RTTN: variants seen among roughly 807,000 people sequenced by gnomAD.
RTTN encodes the protein rotatin.
A neutral mutation model predicts 269.2 loss-of-function variants in RTTN; 182 were observed. The observed-to-expected ratio is 0.68, with a 90% CI of 0.60 to 0.76. The LOEUF (loss-of-function observed/expected upper bound fraction) is 0.76. Among genes scored for constraint, RTTN ranks in the 30% least tolerant of loss-of-function variants. The pLI, the probability that RTTN is intolerant of heterozygous loss-of-function variation, is 0.00. For missense variants in RTTN, 2,545 were observed against 2,608.6 expected (o/e 0.98, Z 0.53); for synonymous variants, 1,006 against 963.5 (o/e 1.04, Z -0.82).
chr18:70,147,015 G>A (rs2060411346), intron 17 of RTTN, among the ~76,000 whole-genome samples: 1 of 152,134 alleles, frequency 6.6e-6, no homozygotes, highest in Non-Finnish European at 1.5e-5. Flanking sequence ...TTCACATCTG[G>A]GGTTGTCAGT....
rs767135646 is a variant in RTTN, at chr18:70,109,725, T to G, written c.3684-8A>C. 53 of 1,611,690 alleles carry G rather than the reference T, an allele frequency of 3.3e-5. No homozygotes were observed. The highest frequency in any genetic ancestry group is 5.1e-6 in the Non-Finnish European group (6 of 1,178,258). On this transcript the variant is annotated splice_polypyrimidine_tract_variant and splice_region_variant and intron_variant, in intron 27 of 48. Transcript: ENST00000640769. The stretch of plus-strand genomic sequence containing the variant: ...AGAAGTTCCGAGCATTTCCTATGTA[T>G]GCAAAAGAGGGAAAATCAACCACCA...
Position 70,024,735 on chromosome 18 carries a change from T to C in RTTN, c.5937A>G (p.Ala1979=), listed in dbSNP as rs1169413371. 6.2e-7 allele frequency: 1 copy of C among 1,613,610 alleles called. No homozygotes were observed. The highest frequency in any genetic ancestry group is 1.7e-5 in the Admixed American group (1 of 59,986). ...GGATCCTATTACCATTTGGAAAATT[T>C]GCAGTATAGACACAAAGGAGCTGCA... is the stretch of plus-strand genomic sequence containing the variant. ...ISLQLLCVYT[A]NFPNGCSSLC... is the part of the protein sequence containing the mutation. Residue 1979 remains alanine (A), a synonymous_variant, in exon 44 of 49, where the codon GCA becomes GCG. Transcript: ENST00000640769.
chr18:70,170,335 G>A (rs2061106101), intron 11 of RTTN, among the ~76,000 whole-genome samples: 1 of 152,156 alleles, frequency 6.6e-6, no homozygotes, highest in Admixed American at 6.5e-5. Flanking sequence ...AGTGTAAATC[G>A]ATATACTTCC....
At chr18:70,084,053 CTA>C (rs201994333) in intron 32 of RTTN, among the ~76,000 whole-genome samples, 1,668 of 152,146 alleles carry the variant, frequency 0.011, 16 homozygotes, top group Non-Finnish European at 0.018. Flanking sequence ...TACAACAATT[CTA>C]TGTCATGACA....
chr18:70,166,354 C>T (rs1253714567), intron 13 of RTTN, 166 bp from the exon 14 acceptor site: 1 of 569,114 alleles, frequency 1.8e-6, no homozygotes, highest in African/African-American at 1.9e-5. Flanking sequence ...TTATTTGTTT[C>T]AGGGCAGAGG....
At position 70,128,314 on chromosome 18, in the gene RTTN, A is replaced by G. The variant is rs114887246; in HGVS notation, c.3143+44T>C. ...AGTAAAACTTAACTAATTAATTACA[A>G]TTAATTAATTGCAAATGCTTTTTAA... On this transcript the variant is annotated intron_variant, in intron 24 of 48. Transcript: ENST00000640769. 906 of 1,504,074 alleles carry G rather than the reference A, an allele frequency of 6.0e-4. 5 individuals are homozygous for G. In the African/African-American group the frequency reaches 0.011, roughly 18 times the overall value. 93.2% of individuals were successfully genotyped at this position (1,504,074 alleles called of 1,614,324 possible).
chr18:70,094,275 G>A (rs755770423), intron 28 of RTTN, among the ~76,000 whole-genome samples: 5 of 151,846 alleles, frequency 3.3e-5, no homozygotes, highest in Non-Finnish European at 5.9e-5. Flanking sequence ...TTTTTTTGAA[G>A]GGTTTTTTGT....
intron 14 of RTTN, among the ~76,000 whole-genome samples, chr18:70,165,417 G>C (rs960166212): frequency 1.3e-5 from 2 of 151,840 alleles, no homozygotes; most frequent in Non-Finnish European, 2.9e-5. Context: ...AGAAAGCAAA[G>C]AAGCTTCCTC....
intron 10 of RTTN, among the ~76,000 whole-genome samples, chr18:70,177,160 T>A (rs2061322947): frequency 6.6e-6 from 1 of 152,210 alleles, no homozygotes; most frequent in South Asian, 2.1e-4. Context: ...TAGTTTCTAG[T>A]GCCTAATTGT....
At chr18:70,090,598 G>A (rs971449306) in intron 30 of RTTN, among the ~76,000 whole-genome samples, 3 of 152,120 alleles carry the variant, frequency 2.0e-5, no homozygotes, top group African/African-American at 7.2e-5. Flanking sequence ...GATAAGGGAG[G>A]ACTACTGTAT....
At chr18:70,146,555 C>A (rs2060398434) in intron 17 of RTTN, among the ~76,000 whole-genome samples, 1 of 152,144 alleles carries the variant, frequency 6.6e-6, no homozygotes, top group Non-Finnish European at 1.5e-5. Flanking sequence ...TATAAGACAA[C>A]AATTAAAACA....
At position 70,059,833 on chromosome 18, in the gene RTTN, G is replaced by A. The variant is rs1284943410; in HGVS notation, c.4940+17C>T. The A allele has an allele frequency of 4.6e-6, 7 of 1,532,486 alleles. No individual in the cohort carries two copies. The highest frequency in any genetic ancestry group is 3.8e-5 in the Admixed American group (2 of 51,982). 94.9% of individuals were successfully genotyped at this position (1,532,486 alleles called of 1,614,324 possible). The stretch of plus-strand genomic sequence containing the variant: ...TATCTCAACTAACATGCCTCTCTAG[G>A]AGTATTTATCTCTTACCTACAGAGA... On this transcript the variant is annotated intron_variant, in intron 36 of 48. Coordinates refer to ENST00000640769, the MANE Select transcript of RTTN (RefSeq NM_173630.4).
chr18:70,172,966 TTTC>T (rs1443307568), intron 11 of RTTN, among the ~76,000 whole-genome samples: 3 of 152,232 alleles, frequency 2.0e-5, no homozygotes, highest in Admixed American at 2.0e-4. Context: ...ATTCAATTCC[TTTC>T]TTAAGAGACT....
intron 28 of RTTN, among the ~76,000 whole-genome samples, chr18:70,099,566 C>G (rs1046535387): frequency 2.0e-5 from 3 of 152,186 alleles, no homozygotes; most frequent in African/African-American, 7.2e-5. Context: ...TTTTGCTATG[C>G]AGAAGCTCTT....
In RTTN at chr18:70,004,962, A is replaced by T. The variant is rs960658166; in HGVS notation, c.6595+236T>A. Among the ~76,000 whole-genome samples the T allele has an allele frequency of 7.2e-5, 11 of 152,246 alleles. 1 individual carries two copies. The highest frequency in any genetic ancestry group is 1.6e-4 in the Non-Finnish European group (11 of 68,050). Reference sequence around the variant, plus strand: ...GCACAGTGGTCACTGTTGGCAAAGAAAATTTAGTACAAAAATAAGACGAAG... The same window carrying T: ...GCACAGTGGTCACTGTTGGCAAAGATAATTTAGTACAAAAATAAGACGAAG... On this transcript the variant is annotated intron_variant, in intron 48 of 48. Transcript: ENST00000640769.
intron 46 of RTTN, among the ~76,000 whole-genome samples, chr18:70,013,205 T>A (rs2145478367): frequency 6.6e-6 from 1 of 152,302 alleles, no homozygotes; most frequent in East Asian, 1.9e-4. Flanking sequence ...ACATCAAATG[T>A]CCCCTTATTA....
chr18:70,088,290 GAC>G, intron 30 of RTTN, 143 bp from the exon 31 acceptor site: 1 of 655,090 alleles, frequency 1.5e-6, no homozygotes, highest in Non-Finnish European at 2.4e-6. Context: ...ACCTATAGAA[GAC>G]AGTGTCCTCC....
intron 32 of RTTN, among the ~76,000 whole-genome samples, chr18:70,084,149 G>A (rs2058641800): frequency 6.6e-6 from 1 of 151,874 alleles, no homozygotes; most frequent in African/African-American, 2.4e-5. Flanking sequence ...GAAAGCCTAT[G>A]AAACAAGAGC....
chr18:70,184,740 G>T (rs1240431939), intron 10 of RTTN, among the ~76,000 whole-genome samples: 1 of 116,180 alleles, frequency 8.6e-6, no homozygotes, highest in South Asian at 3.1e-4. Context: ...GTGTGTGTGT[G>T]TGTGTGTGTG....
Sources: gnomAD v4.1 joint callset for allele counts (sites outside exome capture counted in the v4.1 genomes callset) on GRCh38, gnomAD v4.1.1 for gene constraint, MANE v1.5 for transcripts, NCBI Gene and HGNC (gene_info 2026-07-23, HGNC 2026-07-21) for gene names.